The following JAK2 variants were observed in gnomAD, a reference collection of about 807,000 sequenced individuals.
JAK2 encodes the protein tyrosine-protein kinase JAK2.
JAK2 carries 86 observed loss-of-function variants against 139.3 expected under a neutral mutation model. The observed-to-expected ratio is 0.62, with a 90% CI of 0.52 to 0.74. The LOEUF is 0.74. Among genes scored for constraint, JAK2 ranks in the 30% least tolerant of loss-of-function variants. The pLI is 0.00. For synonymous variants in JAK2, 490 were observed against 437.7 expected (o/e 1.12, Z -1.49); for missense variants, 1,421 against 1,360.3 (o/e 1.04, Z -0.70).
At chr9:4,993,605 T>C (rs1820386792) in intron 2 of JAK2, among the ~76,000 whole-genome samples, 1 of 152,222 alleles carries the variant, frequency 6.6e-6, no homozygotes, top group African/African-American at 2.4e-5. Context: ...GGTGTCCTCT[T>C]ATTCAGCTTT....
intron 19 of JAK2, among the ~76,000 whole-genome samples, chr9:5,089,068 C>T (rs905585204): frequency 5.3e-5 from 8 of 152,234 alleles, no homozygotes; most frequent in Non-Finnish European, 1.2e-4. Context: ...GAATCCTCAG[C>T]ATGTCCCTTG....
At chr9:5,083,979 A>G (rs1266156396) in intron 19 of JAK2, among the ~76,000 whole-genome samples, 2 of 152,046 alleles carry the variant, frequency 1.3e-5, no homozygotes, top group Non-Finnish European at 2.9e-5. Context: ...TATTCTTTTG[A>G]GACATAATTT....
At chr9:5,092,976 C>T (rs1362968704) in intron 22 of JAK2, among the ~76,000 whole-genome samples, 9 of 152,108 alleles carry the variant, frequency 5.9e-5, no homozygotes, top group Non-Finnish European at 1.2e-4. Flanking sequence ...CAAAAGCAGC[C>T]AACAATTAAG....
In JAK2 at chr9:5,032,841, C is replaced by T. The variant is rs1403694732; in HGVS notation, c.350+2935C>T. Among the ~76,000 whole-genome samples the T allele has an allele frequency of 2.6e-5, 4 of 152,228 alleles. No homozygotes were observed. The South Asian group carries it at 8.3e-4, about 31-fold the overall frequency. On this transcript the variant is annotated intron_variant, in intron 4 of 24. Transcript: ENST00000381652. ...GGAAACTCTAAAAATGAGAGCACCT[C>T]TCCTCCTCCAAAGGAACGCAGCTCC...
At chr9:5,002,314 T>C (rs1820972036) in intron 2 of JAK2, among the ~76,000 whole-genome samples, 2 of 151,986 alleles carry the variant, frequency 1.3e-5, no homozygotes. Flanking sequence ...ATTTTAGCTG[T>C]ATTCCCCCAA....
In JAK2 at chr9:5,129,561, A is replaced by C. The variant is rs1824210429; in HGVS notation, c.*2770A>C. ...GAATCAGTTTGCTGTATATTAGAAT[A>C]AATAGTAACAGTAAGTCAGCAGGAT... On this transcript the variant is annotated 3_prime_UTR_variant, in exon 25 of 25. Coordinates refer to ENST00000381652, the MANE Select transcript of JAK2 (RefSeq NM_004972.4). Among the ~76,000 whole-genome samples the C allele has an allele frequency of 6.6e-6, 1 of 152,150 alleles. No individual in the cohort carries two copies. Among genetic ancestry groups the C allele is most frequent in the African/African-American group, 2.4e-5 (1 of 41,454 alleles).
rs192211278 is a variant in JAK2, at chr9:5,040,877, C to T, written c.351-3526C>T. 7.4e-4 allele frequency: 185 copies of T among 251,554 alleles called. 1 individual carries two copies. Among genetic ancestry groups the T allele is most frequent in the African/African-American group, 3.9e-3 (167 of 42,556 alleles). 15.6% of individuals were successfully genotyped at this position (251,554 alleles called of 1,614,324 possible). On this transcript the variant is annotated intron_variant, in intron 4 of 24. Coordinates refer to ENST00000381652, the MANE Select transcript of JAK2 (RefSeq NM_004972.4). ...CAGGAGAGGGGCCGGAGCGCGGATC[C>T]GCGCCGCGCTGCTGAAGCCTGGCCG...
intron 4 of JAK2, among the ~76,000 whole-genome samples, chr9:5,042,807 G>C (rs1284899699): frequency 6.6e-6 from 1 of 152,204 alleles, no homozygotes; most frequent in Admixed American, 6.5e-5. Flanking sequence ...ACGGAGGGGT[G>C]GGGCCGCGGC....
intron 22 of JAK2, chr9:5,114,798 C>G (rs1822992253): frequency 3.4e-6 from 1 of 297,538 alleles, no homozygotes; most frequent in African/African-American, 2.2e-5. Context: ...GTCTGTAAAT[C>G]CCATTAAATG....
intron 4 of JAK2, 37 bp from the exon 5 acceptor site, chr9:5,044,366 A>C (rs776456686): frequency 7.6e-7 from 1 of 1,320,934 alleles, no homozygotes; most frequent in South Asian, 1.2e-5. Context: ...TATTTGAACT[A>C]TTTGGAAGCT....
intron 22 of JAK2, among the ~76,000 whole-genome samples, chr9:5,102,869 T>A (rs1176403496): frequency 1.3e-5 from 2 of 152,130 alleles, no homozygotes; most frequent in African/African-American, 4.8e-5. Context: ...TTACCAGGCC[T>A]GCCTTACAAG....
chr9:5,101,326 C>T (rs917519399), intron 22 of JAK2, among the ~76,000 whole-genome samples: 29 of 152,242 alleles, frequency 1.9e-4, no homozygotes, highest in African/African-American at 5.3e-4. Flanking sequence ...GCCTGGCAGG[C>T]GGAGGGGCGT....
intron 22 of JAK2, chr9:5,108,655 G>A (rs573998068): frequency 5.3e-5 from 8 of 151,928 alleles, no homozygotes; most frequent in South Asian, 4.2e-4. Flanking sequence ...GGTATAATAC[G>A]GCTTACCCTT....
At chr9:5,090,331 G>T (rs1820481135) in intron 20 of JAK2, 115 bp from the exon 21 acceptor site, 1 of 749,018 alleles carries the variant, frequency 1.3e-6, no homozygotes, top group Admixed American at 3.2e-5. Flanking sequence ...GTATAATAAA[G>T]TTTTGTCATC....
At chr9:5,097,232 A>G (rs1455860875) in intron 22 of JAK2, 5 of 152,214 alleles carry the variant, frequency 3.3e-5, no homozygotes, top group African/African-American at 1.2e-4. Flanking sequence ...TCCTCATTAC[A>G]GCAATCCTAC....
chr9:4,989,670 G>C (rs1820140056), intron 2 of JAK2, among the ~76,000 whole-genome samples: 1 of 152,184 alleles, frequency 6.6e-6, no homozygotes, highest in African/African-American at 2.4e-5. Flanking sequence ...AATAATAAAA[G>C]TTACAGATAT....
At chr9:5,015,650 A>T (rs1254416410) in intron 2 of JAK2, among the ~76,000 whole-genome samples, 1 of 151,314 alleles carries the variant, frequency 6.6e-6, no homozygotes, top group African/African-American at 2.4e-5. Context: ...AAGTGATCCT[A>T]TTGTTTTCTT....
rs200621454 is a variant in JAK2, at chr9:5,002,316, T to G, written c.-26+16294T>G. The stretch of plus-strand genomic sequence containing the variant: ...CTCTCTAACCACTATTTTAGCTGTA[T>G]TCCCCCAAATTTTATTGTTTATTAT... On this transcript the variant is annotated intron_variant, in intron 2 of 24. Transcript: ENST00000381652. Among the ~76,000 whole-genome samples the G allele has an allele frequency of 4.6e-5, 7 of 152,066 alleles. No homozygotes were observed. The East Asian group carries it at 1.3e-3, about 29-fold the overall frequency.
intron 2 of JAK2, among the ~76,000 whole-genome samples, chr9:5,001,752 T>G (rs1290302103): frequency 6.6e-6 from 1 of 152,100 alleles, no homozygotes; most frequent in African/African-American, 2.4e-5. Flanking sequence ...GAATTGGTAC[T>G]ATTTTTTCCT....
Sources: gnomAD v4.1 joint callset for allele counts (sites outside exome capture counted in the v4.1 genomes callset) on GRCh38, gnomAD v4.1.1 for gene constraint, MANE v1.5 for transcripts, NCBI Gene and HGNC (gene_info 2026-07-23, HGNC 2026-07-21) for gene names.